The following GOLIM4 variants were observed in gnomAD, a reference collection of about 807,000 sequenced individuals.
GOLIM4 encodes 130 kDa golgi-localized phosphoprotein.
Under a neutral mutation model 107.4 loss-of-function variants are expected in GOLIM4, and 71 were observed. That is an observed-to-expected ratio of 0.66 (90% CI 0.55 to 0.81). The LOEUF (loss-of-function observed/expected upper bound fraction) is 0.81, where lower values mean the gene tolerates loss of function less well. Among genes scored for constraint, GOLIM4 ranks in the 30% least tolerant of loss-of-function variants. The pLI is 0.00. For synonymous variants in GOLIM4, 327 were observed against 294.8 expected, an observed-to-expected ratio of 1.11 and a Z score of -1.12; for missense variants, 830 against 826.1, an observed-to-expected ratio of 1.00 and a Z score of -0.06.
intron 14 of GOLIM4, among the ~76,000 whole-genome samples, chr3:168,023,191 A>T (rs940386568): frequency 1.3e-5 from 2 of 152,232 alleles, no homozygotes; most frequent in African/African-American, 4.8e-5. Flanking sequence ...AGTATTGGAC[A>T]TAATAAAACA....
intron 1 of GOLIM4, among the ~76,000 whole-genome samples, chr3:168,073,441 A>C (rs1407804594): frequency 6.6e-6 from 1 of 152,246 alleles, no homozygotes; most frequent in Non-Finnish European, 1.5e-5. Flanking sequence ...TGGGGCTTGA[A>C]AAGGCCAACT....
At chr3:168,071,490 T>C (rs1217532837) in intron 1 of GOLIM4, among the ~76,000 whole-genome samples, 1 of 151,994 alleles carries the variant, frequency 6.6e-6, no homozygotes, top group East Asian at 1.9e-4. Flanking sequence ...AAGCTGGCTG[T>C]CATGGCAAGT....
At chr3:168,046,862 A>G (rs903710930) in intron 3 of GOLIM4, 88 bp downstream of exon 3, 4 of 663,284 alleles carry the variant, frequency 6.0e-6, no homozygotes, top group South Asian at 2.4e-5. Context: ...AAAGTAAAAG[A>G]GTTCGCAACT....
chr3:168,028,275 A>G (rs1463456387), intron 11 of GOLIM4, among the ~76,000 whole-genome samples: 1 of 152,208 alleles, frequency 6.6e-6, no homozygotes, highest in Non-Finnish European at 1.5e-5. Context: ...TGGAGCTCAG[A>G]AACAAATATA....
chr3:168,086,114 GT>G (rs1247630687), intron 1 of GOLIM4, among the ~76,000 whole-genome samples: 2 of 152,064 alleles, frequency 1.3e-5, no homozygotes, highest in East Asian at 3.9e-4. Context: ...AATTTAACTT[GT>G]TTTATAGCAT....
rs761414297 is a variant in GOLIM4, at chr3:168,095,111, C to A, written c.175G>T (p.Ala59Ser). 17 of 1,601,674 alleles carry A rather than the reference C, an allele frequency of 1.1e-5. No homozygotes were observed. The highest frequency in any genetic ancestry group is 1.7e-4 in the Middle Eastern group (1 of 5,956). ...CCGTTAGCCGTACCTTGTAACTGGGCGGAGAGGGACTCCTGGTGCTGCTGG... is the reference window on the plus strand; with the variant it reads ...CCGTTAGCCGTACCTTGTAACTGGGAGGAGAGGGACTCCTGGTGCTGCTGG... ...KYQQHQESLS[A>S]QLQVVYEHRS... Residue 59 changes from alanine (A) to serine (S), a missense_variant, in exon 1 of 16, where the codon GCC becomes TCC. By Grantham distance (99) the Ala-to-Ser change is moderately conservative. Transcript: ENST00000470487.
rs1330443246 is a variant in GOLIM4 at position 168,089,177 on chromosome 3, T to TA, written c.187+5921dup. On this transcript the variant is annotated intron_variant, in intron 1 of 15. Coordinates refer to ENST00000470487, the MANE Select transcript of GOLIM4 (RefSeq NM_014498.5). ...ACACACAAATAAAAATTACTGAACTTAAGAGTATTTTTGTTCCATATTCTA... is the reference window on the plus strand; with the variant it reads ...ACACACAAATAAAAATTACTGAACTTAAAGAGTATTTTTGTTCCATATTCTA... Among the ~76,000 whole-genome samples the TA allele has an allele frequency of 7.2e-5, 11 of 152,356 alleles. No individual in the cohort carries two copies. The South Asian group carries it at 1.9e-3, about 26-fold the overall frequency.
At chr3:168,063,781 C>G (rs191863579) in intron 1 of GOLIM4, among the ~76,000 whole-genome samples, 79 of 151,778 alleles carry the variant, frequency 5.2e-4, no homozygotes, top group African/African-American at 1.8e-3. Flanking sequence ...GACTTAATGC[C>G]CAGGTGATGA....
intron 14 of GOLIM4, among the ~76,000 whole-genome samples, chr3:168,011,544 A>G (rs909614595): frequency 2.6e-5 from 4 of 151,806 alleles, no homozygotes; most frequent in African/African-American, 9.7e-5. Context: ...AGCCCACCAC[A>G]GCTCAAGGAG....
In GOLIM4 at chr3:168,074,838, T is replaced by A. The variant is rs1353896844; in HGVS notation, c.187+20261A>T. On this transcript the variant is annotated intron_variant, in intron 1 of 15. Coordinates refer to ENST00000470487, the MANE Select transcript of GOLIM4 (RefSeq NM_014498.5). ...CACAATTATATGAAAAACTTATCCATGTGGCCCACATCATGCCAATAGGTT... is the reference window on the plus strand; with the variant it reads ...CACAATTATATGAAAAACTTATCCAAGTGGCCCACATCATGCCAATAGGTT... 2.0e-5 allele frequency among the ~76,000 whole-genome samples: 3 copies of A among 152,202 alleles called. No individual in the cohort carries two copies. The East Asian group carries it at 5.8e-4, about 29-fold the overall frequency.
chr3:168,085,403 T>G (rs1037836331), intron 1 of GOLIM4, among the ~76,000 whole-genome samples: 16 of 152,210 alleles, frequency 1.1e-4, no homozygotes, highest in African/African-American at 3.6e-4. Flanking sequence ...CTCCCCGATC[T>G]TGGCACAAGC....
At chr3:168,086,796 T>G (rs1721652782) in intron 1 of GOLIM4, among the ~76,000 whole-genome samples, 1 of 152,098 alleles carries the variant, frequency 6.6e-6, no homozygotes, top group Non-Finnish European at 1.5e-5. Context: ...CATGGGCCAA[T>G]AAAAACAAAG....
intron 1 of GOLIM4, among the ~76,000 whole-genome samples, chr3:168,074,595 G>A (rs1160286483): frequency 6.6e-6 from 1 of 152,076 alleles, no homozygotes; most frequent in Non-Finnish European, 1.5e-5. Context: ...AAGAGAGATG[G>A]GAAGTAACAT....
chr3:168,092,376 C>A (rs1721957391), intron 1 of GOLIM4, among the ~76,000 whole-genome samples: 1 of 152,102 alleles, frequency 6.6e-6, no homozygotes, highest in Admixed American at 6.5e-5. Flanking sequence ...TTTCTGCATG[C>A]CATCCCCACC....
At chr3:168,044,186 G>A (rs1719174135) in intron 4 of GOLIM4, among the ~76,000 whole-genome samples, 1 of 152,144 alleles carries the variant, frequency 6.6e-6, no homozygotes, top group Non-Finnish European at 1.5e-5. Flanking sequence ...AAAAGTGCAT[G>A]CCCTACTGAT....
rs768355021 is a variant in GOLIM4, at chr3:168,040,845, C to T, written c.625G>A (p.Glu209Lys). ...AAAGTCACTACAAGTTGTTCATGCT[C>T]GGAGAGTAAATTCTTATGCTGTTGC... ...VKQQHKNLLS[E>K]HEQLVVTLED... Residue 209 changes from glutamate (E) to lysine (K), a missense_variant, in exon 7 of 16, where the codon GAG becomes AAG. Glu to Lys is a moderately conservative substitution (Grantham distance 56, BLOSUM62 1). Coordinates refer to ENST00000470487, the MANE Select transcript of GOLIM4 (RefSeq NM_014498.5). 5.0e-6 allele frequency: 8 copies of T among 1,612,140 alleles called. No individual in the cohort carries two copies. Among genetic ancestry groups the T allele is most frequent in the East Asian group, 4.5e-5 (2 of 44,856 alleles).
chr3:168,052,302 A>G (rs1719693005), intron 1 of GOLIM4, among the ~76,000 whole-genome samples: 1 of 152,128 alleles, frequency 6.6e-6, no homozygotes, highest in African/African-American at 2.4e-5. Flanking sequence ...CCAACCCTAC[A>G]GTTAAAGTCT....
chr3:168,036,543 G>C (rs1424856899), intron 8 of GOLIM4, among the ~76,000 whole-genome samples: 1 of 152,004 alleles, frequency 6.6e-6, no homozygotes, highest in African/African-American at 2.4e-5. Flanking sequence ...CACTGTCTCA[G>C]AGAAAAAAAG....
chr3:168,035,357 C>A (rs965163862), intron 8 of GOLIM4, among the ~76,000 whole-genome samples: 1 of 152,146 alleles, frequency 6.6e-6, no homozygotes, highest in African/African-American at 2.4e-5. Context: ...ACATTCACTG[C>A]AACACTATTC....
Sources: gnomAD v4.1 joint callset for allele counts (sites outside exome capture counted in the v4.1 genomes callset) on GRCh38, gnomAD v4.1.1 for gene constraint, MANE v1.5 for transcripts, NCBI Gene and HGNC (gene_info 2026-07-23, HGNC 2026-07-21) for gene names.